NTRK2: variants seen among roughly 807,000 people sequenced by gnomAD.
NTRK2 encodes BDNF/NT-3 growth factors receptor.
A neutral mutation model predicts 94.5 loss-of-function variants in NTRK2; 13 were observed. The ratio of observed to expected loss-of-function variants is 0.14; its 90% CI spans 0.09 to 0.22. The LOEUF (loss-of-function observed/expected upper bound fraction) is 0.22. Ranked by LOEUF, NTRK2 falls within the 10% of genes least tolerant of loss-of-function variation. The pLI is 1.00. For synonymous variants in NTRK2, 372 were observed against 407.4 expected (o/e 0.91, Z 1.05); for missense variants, 639 against 1,071.2 (o/e 0.60, Z 5.63).
intron 12 of NTRK2, among the ~76,000 whole-genome samples, chr9:84,841,010 C>G (rs1177051107): frequency 6.6e-6 from 1 of 152,172 alleles, no homozygotes; most frequent in Non-Finnish European, 1.5e-5. Context: ...TAGAAGGAAA[C>G]TACCAAGTGG....
chr9:84,900,852 T>C (rs1016836167), intron 14 of NTRK2, among the ~76,000 whole-genome samples: 4 of 152,204 alleles, frequency 2.6e-5, no homozygotes, highest in African/African-American at 9.7e-5. Flanking sequence ...TTTCAACAGC[T>C]AAACCCATCT....
chr9:84,839,277 A>T (rs1472999242), intron 12 of NTRK2, among the ~76,000 whole-genome samples: 2 of 152,224 alleles, frequency 1.3e-5, no homozygotes. Context: ...ATGAGGGCAG[A>T]TTTTAATTCT....
chr9:84,955,732 CT>C (rs1019485053), intron 17 of NTRK2: 4 of 643,550 alleles, frequency 6.2e-6, no homozygotes, highest in Non-Finnish European at 1.1e-5. Context: ...TTGCAGGTGG[CT>C]GCCTTCTCAC....
intron 15 of NTRK2, among the ~76,000 whole-genome samples, chr9:84,936,699 T>C (rs1467527908): frequency 2.6e-5 from 4 of 152,184 alleles, no homozygotes; most frequent in Admixed American, 1.3e-4. Context: ...CTTTGTTAAA[T>C]CCCAACTCTT....
intron 12 of NTRK2, among the ~76,000 whole-genome samples, chr9:84,807,498 T>C (rs1033175963): frequency 1.3e-5 from 2 of 152,228 alleles, no homozygotes; most frequent in African/African-American, 4.8e-5. Flanking sequence ...GCAAAGTTTC[T>C]CTAAAGTTGT....
chr9:84,704,639 T>A (rs1380549324), intron 4 of NTRK2, among the ~76,000 whole-genome samples: 3 of 152,226 alleles, frequency 2.0e-5, no homozygotes, highest in African/African-American at 7.2e-5. Flanking sequence ...ATCTTACAGT[T>A]TTCTGAAGAA....
intron 17 of NTRK2, among the ~76,000 whole-genome samples, chr9:85,016,330 T>A (rs1488037250): frequency 6.6e-6 from 1 of 152,174 alleles, no homozygotes; most frequent in Non-Finnish European, 1.5e-5. Flanking sequence ...AAGTCAACTC[T>A]CCAGATAACT....
chr9:84,797,568 T>TACTATATAC (rs1240273661), intron 12 of NTRK2, among the ~76,000 whole-genome samples: 1,777 of 85,828 alleles, frequency 0.021, 284 homozygotes, highest in African/African-American at 0.096. Context: ...ATACTATATA[T>TACTATATAC]TATATATATT....
intron 14 of NTRK2, among the ~76,000 whole-genome samples, chr9:84,906,729 T>C (rs1198262178): frequency 6.6e-6 from 1 of 152,144 alleles, no homozygotes; most frequent in African/African-American, 2.4e-5. Context: ...CCCAGCTCCA[T>C]GAAGACTGAG....
intron 17 of NTRK2, among the ~76,000 whole-genome samples, chr9:84,962,834 G>A (rs919290045): frequency 6.6e-6 from 1 of 152,240 alleles, no homozygotes; most frequent in Non-Finnish European, 1.5e-5. Context: ...TTTGGAGCCT[G>A]AAGACAGATA....
At chr9:84,943,018 T>C (rs1444870339) in intron 15 of NTRK2, among the ~76,000 whole-genome samples, 1 of 152,222 alleles carries the variant, frequency 6.6e-6, no homozygotes, top group East Asian at 1.9e-4. Context: ...TTTCCCTCTG[T>C]GTTTTAAACA....
chr9:84,747,359 A>G (rs1160620037), intron 11 of NTRK2, among the ~76,000 whole-genome samples: 1 of 152,024 alleles, frequency 6.6e-6, no homozygotes, highest in Non-Finnish European at 1.5e-5. Context: ...TAATTCTTAT[A>G]CCAATCCACT....
intron 14 of NTRK2, among the ~76,000 whole-genome samples, chr9:84,922,871 T>C (rs567625308): frequency 6.6e-6 from 1 of 152,234 alleles, no homozygotes; most frequent in Admixed American, 6.5e-5. Context: ...GTTTTGAAAG[T>C]ATTGCAAAAT....
At chr9:84,735,942 T>A (rs2132217100) in intron 9 of NTRK2, among the ~76,000 whole-genome samples, 1 of 152,290 alleles carries the variant, frequency 6.6e-6, no homozygotes, top group South Asian at 2.1e-4. Context: ...CACTTATGAT[T>A]TGTTGTGAGG....
At chr9:84,792,539 A>G (rs2068837041) in intron 12 of NTRK2, among the ~76,000 whole-genome samples, 1 of 152,208 alleles carries the variant, frequency 6.6e-6, no homozygotes, top group Admixed American at 6.5e-5. Context: ...AACAACAAGA[A>G]TAATACTAAT....
chr9:84,928,074 A>G (rs1028895349), intron 14 of NTRK2, among the ~76,000 whole-genome samples: 3 of 152,142 alleles, frequency 2.0e-5, no homozygotes, highest in Admixed American at 2.0e-4. Context: ...TTCATCCTTA[A>G]TATTATTTAT....
intron 17 of NTRK2, among the ~76,000 whole-genome samples, chr9:84,994,484 T>A (rs985563282): frequency 6.6e-6 from 1 of 152,246 alleles, no homozygotes; most frequent in African/African-American, 2.4e-5. Flanking sequence ...GAGGATGGTT[T>A]GGAGGCAGGT....
intron 6 of NTRK2, among the ~76,000 whole-genome samples, chr9:84,715,180 T>C (rs373379209): frequency 1.3e-5 from 2 of 152,320 alleles, no homozygotes; most frequent in South Asian, 4.1e-4. Flanking sequence ...CCATATCATA[T>C]TAATGTTCAT....
chr9:84,670,919 A>T lies in NTRK2; in HGVS notation c.171A>T (p.Arg57Ser). Residue 57 changes from arginine (R) to serine (S), a missense_variant, in exon 2 of 19, where the codon AGA (arginine) becomes AGT (serine). Arg to Ser is a moderately radical substitution (Grantham distance 110). This residue lies in a region of NTRK2 where 206 missense variants were observed against 251.5 expected (regional missense o/e 0.82). Coordinates refer to ENST00000277120, the MANE Select transcript of NTRK2 (RefSeq NM_006180.6). The stretch of plus-strand genomic sequence containing the variant: ...CTCCTGGCATCGTGGCATTTCCGAG[A>T]TTGGAGCCTAACAGTGTAGATCCTG... ...DPSPGIVAFP[R>S]LEPNSVDPEN... The T allele has an allele frequency of 6.2e-7, 1 of 1,609,354 alleles. No individual in the cohort carries two copies. The highest frequency in any genetic ancestry group is 8.5e-7 in the Non-Finnish European group (1 of 1,179,990).
Sources: gnomAD v4.1 joint callset for allele counts (sites outside exome capture counted in the v4.1 genomes callset) on GRCh38, gnomAD v4.1.1 for gene constraint, gnomAD v4.1.1 regional missense constraint, MANE v1.5 for transcripts, NCBI Gene and HGNC (gene_info 2026-07-23, HGNC 2026-07-21) for gene names.